CEP112: variants seen among roughly 807,000 people sequenced by gnomAD.
CEP112 encodes centrosomal protein 112.
CEP112 carries 127 observed loss-of-function variants against 153.0 expected under a neutral mutation model. The ratio of observed to expected loss-of-function variants is 0.83; its 90% CI spans 0.72 to 0.96. CEP112 has a LOEUF of 0.96. Among genes scored for constraint, CEP112 ranks in the 40% least tolerant of loss-of-function variants. The probability of loss-of-function intolerance (pLI) is 0.00; values close to 1 mark genes in which losing one functional copy is unlikely to be tolerated. For synonymous variants in CEP112, 358 were observed against 374.4 expected (o/e 0.96, Z 0.51); for missense variants, 1,089 against 1,101.2 (o/e 0.99, Z 0.16).
chr17:66,058,671 G>A (rs1555785975), intron 11 of CEP112, among the ~76,000 whole-genome samples: 1 of 151,920 alleles, frequency 6.6e-6, no homozygotes, highest in Non-Finnish European at 1.5e-5. Flanking sequence ...GCAACATAGT[G>A]AGACCCCACC....
rs1453850647 is a variant in CEP112, at chr17:66,028,405, C to A, written c.1504G>T (p.Ala502Ser). ...TCTAATTCTTCAATCATACTAGATGCCTACAAGGATTTTAAGAAGAATAAA... is the reference window on the plus strand; with the variant it reads ...TCTAATTCTTCAATCATACTAGATGACTACAAGGATTTTAAGAAGAATAAA... The part of the protein sequence containing the change: ...KQEHALSASK[A>S]SSMIEELEQN... The change falls in exon 15 of 27, where the codon GCA becomes TCA. Residue 502 changes from alanine (A) to serine (S), a missense_variant and splice_region_variant. Ala to Ser is a moderately conservative substitution (Grantham distance 99, BLOSUM62 1). Coordinates refer to ENST00000535342, the MANE Select transcript of CEP112 (RefSeq NM_001199165.4). The A allele has an allele frequency of 2.0e-6, 3 of 1,517,162 alleles. No homozygotes were observed. The highest frequency in any genetic ancestry group is 2.7e-6 in the Non-Finnish European group (3 of 1,112,060). The allele number at this position is 1,517,162 out of a possible 1,614,324, so 94.0% of individuals were successfully genotyped here.
intron 16 of CEP112, among the ~76,000 whole-genome samples, chr17:66,014,494 C>A (rs909496956): frequency 6.6e-6 from 1 of 152,178 alleles, no homozygotes; most frequent in African/African-American, 2.4e-5. Context: ...GAATGGGCAT[C>A]CCCGGCCATG....
chr17:66,077,022 G>T (rs1413309166), intron 8 of CEP112, among the ~76,000 whole-genome samples: 1 of 152,118 alleles, frequency 6.6e-6, no homozygotes, highest in African/African-American at 2.4e-5. Context: ...CTACATCAAG[G>T]GAATACCCCG....
intron 21 of CEP112, among the ~76,000 whole-genome samples, chr17:65,816,456 T>C (rs2056271452): frequency 6.6e-6 from 1 of 151,956 alleles, no homozygotes; most frequent in African/African-American, 2.4e-5. Flanking sequence ...CTTTTTCTCC[T>C]GAGTCCCCAA....
chr17:66,104,222 C>G (rs1032158888), intron 6 of CEP112, among the ~76,000 whole-genome samples: 4 of 152,180 alleles, frequency 2.6e-5, no homozygotes, highest in African/African-American at 9.6e-5. Flanking sequence ...GACTCCTTCA[C>G]TCTGCCTGAA....
At chr17:66,084,823 T>C (rs1235963434) in intron 8 of CEP112, among the ~76,000 whole-genome samples, 1 of 152,264 alleles carries the variant, frequency 6.6e-6, no homozygotes, top group Non-Finnish European at 1.5e-5. Flanking sequence ...GTATAGATTG[T>C]TTGTAACACA....
intron 21 of CEP112, among the ~76,000 whole-genome samples, chr17:65,830,564 T>C (rs1302840303): frequency 6.6e-6 from 1 of 152,168 alleles, no homozygotes; most frequent in Non-Finnish European, 1.5e-5. Flanking sequence ...AGTGCATGGA[T>C]CTTGGCAGCT....
intron 21 of CEP112, among the ~76,000 whole-genome samples, chr17:65,767,164 A>C (rs550410335): frequency 1.3e-5 from 2 of 152,258 alleles, no homozygotes; most frequent in East Asian, 3.9e-4. Context: ...AAATTTAAGA[A>C]GATCAAAATC....
intron 18 of CEP112, among the ~76,000 whole-genome samples, chr17:65,959,115 G>A (rs996369846): frequency 2.6e-5 from 4 of 152,068 alleles, no homozygotes; most frequent in African/African-American, 9.7e-5. Flanking sequence ...CTGCAGATAG[G>A]AGCAACCCAC....
chr17:65,858,274 TAC>T lies in CEP112; in HGVS notation c.2164-6242_2164-6241del, dbSNP rs2058192820. Among the ~76,000 whole-genome samples the T allele has an allele frequency of 2.0e-5, 3 of 152,298 alleles. No homozygotes were observed. In the South Asian group the frequency reaches 6.2e-4, roughly 32 times the overall value. ...TTCTCTGGAAAAGTTTGTAAAAGAC[TAC>T]AGTGACCTGTCCCATGGGAGATTTT... On this transcript the variant is annotated intron_variant, in intron 20 of 26. Transcript: ENST00000535342.
At chr17:65,925,280 C>T (rs1444308908) in intron 19 of CEP112, among the ~76,000 whole-genome samples, 1 of 152,172 alleles carries the variant, frequency 6.6e-6, no homozygotes, top group African/African-American at 2.4e-5. Context: ...ATTGTGAGGC[C>T]CCCTCAGCCA....
intron 8 of CEP112, among the ~76,000 whole-genome samples, chr17:66,077,793 C>G (rs1050319421): frequency 3.3e-5 from 5 of 152,192 alleles, no homozygotes; most frequent in Admixed American, 6.5e-5. Flanking sequence ...AGTCCATTGT[C>G]AGATGTATAG....
chr17:65,889,991 T>C (rs756845230), intron 20 of CEP112, among the ~76,000 whole-genome samples: 3 of 152,174 alleles, frequency 2.0e-5, no homozygotes. Flanking sequence ...GAGACACTCC[T>C]ATCATAAAAT....
At chr17:65,847,685 T>C (rs900202038) in intron 21 of CEP112, among the ~76,000 whole-genome samples, 3 of 152,188 alleles carry the variant, frequency 2.0e-5, no homozygotes, top group Admixed American at 6.5e-5. Context: ...ACAGAGCTTA[T>C]GTTCTAGTGG....
intron 24 of CEP112, among the ~76,000 whole-genome samples, chr17:65,653,367 T>C (rs2045885066): frequency 6.6e-6 from 1 of 152,204 alleles, no homozygotes; most frequent in Non-Finnish European, 1.5e-5. Context: ...CTTCTACTCC[T>C]TGTGGATTAT....
At chr17:65,767,645 A>AG (rs1278717720) in intron 21 of CEP112, among the ~76,000 whole-genome samples, 6 of 143,998 alleles carry the variant, frequency 4.2e-5, no homozygotes. Context: ...GCTTAAAAAA[A>AG]GAAAGAGAAG....
intron 8 of CEP112, among the ~76,000 whole-genome samples, chr17:66,083,858 C>A: frequency 6.6e-6 from 1 of 151,870 alleles, no homozygotes; most frequent in African/African-American, 2.4e-5. Context: ...ACTCCATGTC[C>A]AAAGACAAAA....
intron 17 of CEP112, among the ~76,000 whole-genome samples, chr17:65,972,233 AAAAG>A (rs1360540504): frequency 1.3e-5 from 2 of 152,240 alleles, no homozygotes; most frequent in South Asian, 2.1e-4. Flanking sequence ...AAAAATCAAT[AAAAG>A]AAAGATATCT....
chr17:65,664,317 C>G (rs1031010704), intron 24 of CEP112, among the ~76,000 whole-genome samples: 1 of 152,132 alleles, frequency 6.6e-6, no homozygotes, highest in African/African-American at 2.4e-5. Context: ...CCACACTTGG[C>G]TGAGGGCTTG....
Sources: allele counts gnomAD v4.1 joint callset (sites outside exome capture counted in the v4.1 genomes callset), GRCh38; gene constraint gnomAD v4.1.1; transcripts MANE v1.5; gene names NCBI Gene and HGNC (gene_info 2026-07-23, HGNC 2026-07-21).